SOX5: variants seen among roughly 807,000 people sequenced by gnomAD.
SOX5 encodes the protein transcription factor SOX-5.
A neutral mutation model predicts 92.0 loss-of-function variants in SOX5; 9 were observed. That is an observed-to-expected ratio of 0.10 (90% CI 0.06 to 0.17). SOX5 has a LOEUF of 0.17. Ranked by LOEUF, SOX5 falls within the 10% of genes least tolerant of loss-of-function variation. The pLI, the probability that SOX5 is intolerant of heterozygous loss-of-function variation, is 1.00. For synonymous variants in SOX5, 344 were observed against 336.3 expected, an observed-to-expected ratio of 1.02 and a Z score of -0.25; for missense variants, 642 against 944.5, an observed-to-expected ratio of 0.68 and a Z score of 4.20.
At chr12:23,950,850 C>T, upstream of SOX5, 1 of 1,534,404 alleles carries the variant, frequency 6.5e-7, no homozygotes, top group Non-Finnish European at 8.7e-7. Flanking sequence ...CACATACACA[C>T]AGAGAGAGAG....
chr12:23,816,738 A>T (rs369805587), intron 3 of SOX5, among the ~76,000 whole-genome samples: 21 of 152,256 alleles, frequency 1.4e-4, no homozygotes, highest in East Asian at 9.7e-4. Flanking sequence ...AAAAGTAGGA[A>T]ATGAGAAGTG....
At chr12:24,205,889 G>C (rs1957971985) in intron 4 of SOX5, among the ~76,000 whole-genome samples, 1 of 151,916 alleles carries the variant, frequency 6.6e-6, no homozygotes, top group Non-Finnish European at 1.5e-5. Context: ...TTTCCTTTTG[G>C]ACAGCAAAGG....
chr12:23,871,590 A>G (rs923408247), intron 2 of SOX5, among the ~76,000 whole-genome samples: 3 of 152,192 alleles, frequency 2.0e-5, no homozygotes, highest in Non-Finnish European at 4.4e-5. Flanking sequence ...TACCAGGGTT[A>G]CATCATTACT....
intron 4 of SOX5, among the ~76,000 whole-genome samples, chr12:24,149,348 A>C (rs912260828): frequency 4.6e-5 from 7 of 152,180 alleles, no homozygotes; most frequent in Non-Finnish European, 8.8e-5. Context: ...GACTCTCAAA[A>C]CTCAATAATA....
At chr12:23,575,956 T>G (rs1458972044) in intron 9 of SOX5, 118 bp from the exon 10 acceptor site, 2 of 711,074 alleles carry the variant, frequency 2.8e-6, no homozygotes, top group Non-Finnish European at 4.6e-6. Flanking sequence ...TCAGTGATCT[T>G]AACATTCATT....
At chr12:24,011,314 A>G (rs1304358386) in intron 4 of SOX5, among the ~76,000 whole-genome samples, 2 of 152,192 alleles carry the variant, frequency 1.3e-5, no homozygotes, top group Admixed American at 1.3e-4. Context: ...CTTTACCTAA[A>G]TAGAAGTGGC....
At chr12:24,062,381 T>C (rs577939058) in intron 4 of SOX5, among the ~76,000 whole-genome samples, 192 of 152,372 alleles carry the variant, frequency 1.3e-3, no homozygotes, top group African/African-American at 4.4e-3. Context: ...TAGAGAATGC[T>C]ATGTGATATA....
At chr12:24,129,843 T>C (rs1949475215) in intron 4 of SOX5, among the ~76,000 whole-genome samples, 1 of 152,240 alleles carries the variant, frequency 6.6e-6, no homozygotes, top group Non-Finnish European at 1.5e-5. Flanking sequence ...TTAAAGAGAT[T>C]GAAAAGCCAA....
intron 4 of SOX5, among the ~76,000 whole-genome samples, chr12:24,087,863 T>C (rs1434517711): frequency 6.6e-6 from 1 of 152,076 alleles, no homozygotes; most frequent in Non-Finnish European, 1.5e-5. Flanking sequence ...CCTCTATTTA[T>C]ATGAATAACA....
At position 23,606,904 on chromosome 12, in the gene SOX5, C is replaced by T. The variant is rs562215961; in HGVS notation, c.1018-2371G>A. On this transcript the variant is annotated intron_variant, in intron 8 of 14. Coordinates refer to ENST00000451604, the MANE Select transcript of SOX5 (RefSeq NM_006940.6). ...AAAGAGATAGACCCAGTTGAATATG[C>T]AATATTTCTATAATAACAGTATAAT... 6.7e-4 allele frequency among the ~76,000 whole-genome samples: 101 copies of T among 151,740 alleles called. 3 individuals carry two copies. In the South Asian group the frequency reaches 0.018, roughly 27 times the overall value.
intron 4 of SOX5, among the ~76,000 whole-genome samples, chr12:23,974,802 G>A (rs1948731986): frequency 6.6e-6 from 1 of 151,986 alleles, no homozygotes; most frequent in Non-Finnish European, 1.5e-5. Context: ...GAAAATTAAG[G>A]AAAACTGGTC....
intron 3 of SOX5, among the ~76,000 whole-genome samples, chr12:23,780,280 T>C (rs1450037698): frequency 6.6e-6 from 1 of 151,960 alleles, no homozygotes; most frequent in East Asian, 1.9e-4. Flanking sequence ...AGACTACAGA[T>C]TTATACACAT....
At chr12:23,958,612 C>A (rs1308384739) in intron 4 of SOX5, among the ~76,000 whole-genome samples, 2 of 151,614 alleles carry the variant, frequency 1.3e-5, no homozygotes, top group Admixed American at 6.6e-5. Flanking sequence ...GATTACAAAC[C>A]TAGTGTCTAT....
At chr12:24,382,680 T>C (rs1566033133) in intron 1 of SOX5, among the ~76,000 whole-genome samples, 1 of 152,042 alleles carries the variant, frequency 6.6e-6, no homozygotes, top group Non-Finnish European at 1.5e-5. Flanking sequence ...ATAGCCACAA[T>C]GAGAAATGAT....
intron 4 of SOX5, among the ~76,000 whole-genome samples, chr12:23,997,123 A>G (rs564205458): frequency 2.0e-4 from 31 of 152,182 alleles, no homozygotes; most frequent in Non-Finnish European, 3.4e-4. Context: ...ACATAGAAAA[A>G]AATAGTGAAA....
chr12:24,337,653 T>A (rs977751766), intron 2 of SOX5, among the ~76,000 whole-genome samples: 3 of 152,166 alleles, frequency 2.0e-5, no homozygotes, highest in African/African-American at 7.2e-5. Flanking sequence ...GAATCTGAAT[T>A]TTTTTGCCTC....
chr12:24,328,245 C>T (rs748902029), intron 2 of SOX5, among the ~76,000 whole-genome samples: 5 of 152,200 alleles, frequency 3.3e-5, no homozygotes, highest in Admixed American at 1.3e-4. Flanking sequence ...CTCCTCTCAA[C>T]GTCTATATTT....
At chr12:24,530,248 T>C in intron 1 of SOX5, among the ~76,000 whole-genome samples, 1 of 152,178 alleles carries the variant, frequency 6.6e-6, no homozygotes, top group Non-Finnish European at 1.5e-5. Flanking sequence ...CACAAAAAAT[T>C]CTACGCACTA....
At chr12:23,899,948 C>T (rs1463841083) in intron 1 of SOX5, among the ~76,000 whole-genome samples, 1 of 152,120 alleles carries the variant, frequency 6.6e-6, no homozygotes, top group Non-Finnish European at 1.5e-5. Flanking sequence ...TATCTGAGAG[C>T]TTCTTGAGGA....
Sources: gnomAD v4.1 joint callset for allele counts (sites outside exome capture counted in the v4.1 genomes callset) on GRCh38, gnomAD v4.1.1 for gene constraint, MANE v1.5 for transcripts, NCBI Gene and HGNC (gene_info 2026-07-23, HGNC 2026-07-21) for gene names.